Variants in ACBD6 observed in about 807,000 individuals in gnomAD.
ACBD6 encodes the protein acyl-CoA binding domain containing 6.
ACBD6 carries 28 observed loss-of-function variants against 37.2 expected under a neutral mutation model. The ratio of observed to expected loss-of-function variants is 0.75; its 90% CI spans 0.56 to 1.03. The LOEUF is 1.03. Ranked by LOEUF, ACBD6 falls within the 50% of genes least tolerant of loss-of-function variation. The pLI, the probability that ACBD6 is intolerant of heterozygous loss-of-function variation, is 0.00. For missense variants in ACBD6, 340 were observed against 337.4 expected (o/e 1.01, Z -0.06); for synonymous variants, 113 against 126.8 (o/e 0.89, Z 0.73).
chr1:180,333,655 C>G (rs977814630), intron 6 of ACBD6, among the ~76,000 whole-genome samples: 1 of 152,148 alleles, frequency 6.6e-6, no homozygotes, highest in Non-Finnish European at 1.5e-5. Flanking sequence ...TGGGGAGTGT[C>G]AGAAAGTGGG....
chr1:180,280,418 T>C (rs1163592962), intron 9 of ACBD6, among the ~76,000 whole-genome samples: 1 of 152,156 alleles, frequency 6.6e-6, no homozygotes, highest in Non-Finnish European at 1.5e-5. Context: ...GAGGTTGGGC[T>C]CTGGACCTCT....
rs542805841 is a variant in ACBD6, at chr1:180,361,243, G to C, written c.663+36273C>G. Among the ~76,000 whole-genome samples, 8 of 150,224 alleles carry C rather than the reference G, an allele frequency of 5.3e-5. No individual in the cohort carries two copies. The South Asian group carries it at 1.5e-3, about 28-fold the overall frequency. On this transcript the variant is annotated intron_variant, in intron 6 of 7. Coordinates refer to ENST00000367595, the MANE Select transcript of ACBD6 (RefSeq NM_032360.4). ...CAAGGTTTAATAAATTGTAGGTGGG[G>C]ATAGTTTTTGTTACAAGCAACTTTT...
chr1:180,345,746 T>C (rs769902464), intron 6 of ACBD6, among the ~76,000 whole-genome samples: 1 of 152,174 alleles, frequency 6.6e-6, no homozygotes, highest in Non-Finnish European at 1.5e-5. Context: ...TACTAAGATC[T>C]AAACTATATA....
intron 3 of ACBD6, among the ~76,000 whole-genome samples, chr1:180,458,327 C>T (rs551861694): frequency 5.9e-5 from 9 of 152,268 alleles, no homozygotes; most frequent in East Asian, 1.9e-4. Context: ...TTCAACTCAA[C>T]GCAACAGCAT....
chr1:180,293,038 T>A (rs1263330625), intron 7 of ACBD6, among the ~76,000 whole-genome samples: 1 of 152,210 alleles, frequency 6.6e-6, no homozygotes, highest in Non-Finnish European at 1.5e-5. Context: ...TGGTTCTCAA[T>A]TGCCAAACAA....
At chr1:180,335,363 T>C (rs1651664210) in intron 6 of ACBD6, among the ~76,000 whole-genome samples, 1 of 152,128 alleles carries the variant, frequency 6.6e-6, no homozygotes, top group African/African-American at 2.4e-5. Flanking sequence ...TATTCAACAT[T>C]CTTAAAGAAA....
chr1:180,488,070 A>C (rs1385812848), intron 3 of ACBD6, among the ~76,000 whole-genome samples: 1 of 152,064 alleles, frequency 6.6e-6, no homozygotes, highest in Non-Finnish European at 1.5e-5. Context: ...AACTTATCTC[A>C]AACAATTCGG....
At chr1:180,459,106 C>T (rs1444232094) in intron 3 of ACBD6, among the ~76,000 whole-genome samples, 1 of 152,010 alleles carries the variant, frequency 6.6e-6, no homozygotes, top group South Asian at 2.1e-4. Flanking sequence ...TAAAGTTATT[C>T]GTAAGATGCT....
intron 5 of ACBD6, 116 bp downstream of exon 5, chr1:180,413,250 T>C (rs1389590352): frequency 3.9e-6 from 3 of 772,272 alleles, no homozygotes; most frequent in Admixed American, 3.8e-5. Flanking sequence ...TATTCTGATA[T>C]ACTCTTAACC....
intron 3 of ACBD6, among the ~76,000 whole-genome samples, chr1:180,487,399 C>T (rs183352403): frequency 2.6e-5 from 4 of 152,236 alleles, no homozygotes; most frequent in African/African-American, 9.6e-5. Context: ...AAATTTCACA[C>T]CATCTCACGC....
rs544539569 is a variant in ACBD6 at position 180,325,187 on chromosome 1, C to A, written c.664-10465G>T. On this transcript the variant is annotated intron_variant, in intron 6 of 7. Coordinates refer to ENST00000367595, the MANE Select transcript of ACBD6 (RefSeq NM_032360.4). ...CTATCCCTCTGAATAAACTTTCTAT[C>A]CCTGTCTCTTTCTCGATCTCCTCCT... Among the ~76,000 whole-genome samples the A allele has an allele frequency of 2.0e-5, 3 of 152,240 alleles. No individual in the cohort carries two copies. The South Asian group carries it at 6.2e-4, about 32-fold the overall frequency.
intron 3 of ACBD6, among the ~76,000 whole-genome samples, chr1:180,433,682 T>C (rs1458754751): frequency 1.3e-5 from 2 of 152,082 alleles, no homozygotes; most frequent in Non-Finnish European, 2.9e-5. Flanking sequence ...CCATGGTTCC[T>C]GGTTTCTAAC....
intron 6 of ACBD6, among the ~76,000 whole-genome samples, chr1:180,323,802 G>A (rs1651162709): frequency 6.6e-6 from 1 of 151,890 alleles, no homozygotes; most frequent in Non-Finnish European, 1.5e-5. Flanking sequence ...TAGGTGAAGT[G>A]TGTCTCTTGT....
intron 3 of ACBD6, chr1:180,435,703 C>T (rs746371547): frequency 7.6e-5 from 66 of 863,114 alleles, no homozygotes; most frequent in Admixed American, 1.5e-4. Flanking sequence ...AGTTAGAGAC[C>T]GCTGTCAATC....
intron 6 of ACBD6, among the ~76,000 whole-genome samples, chr1:180,348,722 A>C (rs899899784): frequency 2.0e-5 from 3 of 152,238 alleles, no homozygotes; most frequent in Admixed American, 2.0e-4. Context: ...AATCCAGTCC[A>C]AACAGCTATC....
At chr1:180,456,049 A>G (rs1023347588) in intron 3 of ACBD6, among the ~76,000 whole-genome samples, 1 of 152,034 alleles carries the variant, frequency 6.6e-6, no homozygotes, top group African/African-American at 2.4e-5. Flanking sequence ...TGTCCCTACT[A>G]AAAATACAAA....
At chr1:180,339,352 T>TA (rs1270004424) in intron 6 of ACBD6, among the ~76,000 whole-genome samples, 5 of 152,114 alleles carry the variant, frequency 3.3e-5, no homozygotes, top group Non-Finnish European at 7.3e-5. Context: ...TATGCAGCCA[T>TA]AAAAAATGAT....
At chr1:180,352,478 C>T (rs758965515) in intron 6 of ACBD6, among the ~76,000 whole-genome samples, 4 of 151,980 alleles carry the variant, frequency 2.6e-5, no homozygotes, top group South Asian at 2.1e-4. Flanking sequence ...TGTGAGCCTC[C>T]GCACCCAGCC....
rs568349180 is a variant in ACBD6 at position 180,402,733 on chromosome 1, GC to G, written c.574-5129del. ...AATCACTTAAGCCCATGAAGTCATG[GC>G]TGCAGTGAGCCGTGATCGACGTCAC... On this transcript the variant is annotated intron_variant, in intron 5 of 7. Transcript: ENST00000367595. Among the ~76,000 whole-genome samples, 188 of 151,892 alleles carry G rather than the reference GC, an allele frequency of 1.2e-3. 1 individual carries two copies. Among genetic ancestry groups the G allele is most frequent in the Middle Eastern group, 6.8e-3 (2 of 294 alleles).
Sources: gnomAD v4.1 joint callset for allele counts (sites outside exome capture counted in the v4.1 genomes callset) on GRCh38, gnomAD v4.1.1 for gene constraint, MANE v1.5 for transcripts, NCBI Gene and HGNC (gene_info 2026-07-23, HGNC 2026-07-21) for gene names.